The following NGEF variants were observed in gnomAD, a reference collection of about 807,000 sequenced individuals.
NGEF encodes neuronal guanine nucleotide exchange factor.
Under a neutral mutation model 80.9 loss-of-function variants are expected in NGEF, and 31 were observed. The ratio of observed to expected loss-of-function variants is 0.38; its 90% CI spans 0.29 to 0.52. The LOEUF (loss-of-function observed/expected upper bound fraction) is 0.52. Ranked by LOEUF, NGEF falls within the 20% of genes least tolerant of loss-of-function variation. The pLI, the probability that NGEF is intolerant of heterozygous loss-of-function variation, is 0.84. For synonymous variants in NGEF, 371 were observed against 370.2 expected (o/e 1.00, Z -0.03); for missense variants, 709 against 926.2 (o/e 0.77, Z 3.04).
rs368759291 is a variant in NGEF, at chr2:232,951,027, G to A, written c.383+19187C>T. On this transcript the variant is annotated intron_variant, in intron 3 of 14. Transcript: ENST00000264051. Reference sequence around the variant, plus strand: ...TCAGACCCAGCGGCGTCCGGCATGCGGCTGGCTGTTCCTGACTTGAAGCAA... The same window carrying A: ...TCAGACCCAGCGGCGTCCGGCATGCAGCTGGCTGTTCCTGACTTGAAGCAA... 1.1e-4 allele frequency among the ~76,000 whole-genome samples: 16 copies of A among 152,280 alleles called. 1 individual carries two copies. The highest frequency in any genetic ancestry group is 3.1e-4 in the African/African-American group (13 of 41,566).
intron 8 of NGEF, among the ~76,000 whole-genome samples, chr2:232,890,068 T>C (rs187884916): frequency 6.5e-4 from 98 of 150,458 alleles, no homozygotes; most frequent in African/African-American, 2.4e-3. Flanking sequence ...GCCTGTCAGG[T>C]GGAGGGGGTC....
chr2:232,930,758 C>T (rs1693200381), intron 3 of NGEF, among the ~76,000 whole-genome samples: 1 of 152,214 alleles, frequency 6.6e-6, no homozygotes, highest in South Asian at 2.1e-4. Context: ...GTTAGGATTT[C>T]AACACGTGAA....
chr2:233,007,527 C>T (rs983339155), intron 1 of NGEF, among the ~76,000 whole-genome samples: 6 of 152,240 alleles, frequency 3.9e-5, no homozygotes, highest in Middle Eastern at 3.4e-3. Context: ...GGATGCACAC[C>T]GGGGGCTTTT....
chr2:232,906,353 TCAGCCCCCCGCCCGGC>T, intron 5 of NGEF, among the ~76,000 whole-genome samples: 1 of 69,910 alleles, frequency 1.4e-5, no homozygotes, highest in South Asian at 5.2e-4. Context: ...GTGGGGGGGG[TCAGCCCCCCGCCCGGC>T]CAGCCGCCCC....
chr2:232,900,678 T>TCA (rs770831924), intron 5 of NGEF, among the ~76,000 whole-genome samples: 3 of 110,734 alleles, frequency 2.7e-5, no homozygotes, highest in South Asian at 2.7e-4. Context: ...ACACACGCTC[T>TCA]CAGTCACTCA....
intron 1 of NGEF, among the ~76,000 whole-genome samples, chr2:232,979,846 G>A (rs1245892056): frequency 6.6e-6 from 1 of 151,444 alleles, no homozygotes; most frequent in Non-Finnish European, 1.5e-5. Context: ...ACAACACTCT[G>A]TAAACATCTT....
intron 3 of NGEF, among the ~76,000 whole-genome samples, chr2:232,963,363 T>C (rs1693990813): frequency 1.3e-5 from 2 of 151,880 alleles, no homozygotes; most frequent in Non-Finnish European, 2.9e-5. Context: ...TAGACCCAAA[T>C]GTGAAAATGA....
intron 2 of NGEF, among the ~76,000 whole-genome samples, chr2:232,971,412 C>T (rs191848651): frequency 3.3e-5 from 5 of 152,298 alleles, no homozygotes; most frequent in East Asian, 3.9e-4. Context: ...AGGCTAGGCG[C>T]GGTGGCTCAC....
Position 232,879,416 on chromosome 2 carries a change from C to T in NGEF, c.*73G>A, listed in dbSNP as rs1691408754. The T allele has an allele frequency of 1.5e-6, 2 of 1,376,536 alleles. No individual in the cohort carries two copies. The highest frequency in any genetic ancestry group is 1.3e-5 in the South Asian group (1 of 75,302). The allele number at this position is 1,376,536 out of a possible 1,614,324, so 85.3% of individuals were successfully genotyped here. A position where few individuals can be genotyped will look rare whatever the true frequency, so the allele number is the denominator to read the frequency against. ...TGGGGAGGTGCTGGCCTGTGCTTCC[C>T]AGAGCCCCCCCCCCCCCACCTTCTG... On this transcript the variant is annotated 3_prime_UTR_variant, in exon 15 of 15. Coordinates refer to ENST00000264051, the MANE Select transcript of NGEF (RefSeq NM_019850.3).
chr2:232,942,085 A>G (rs1693448600), intron 3 of NGEF, among the ~76,000 whole-genome samples: 1 of 152,206 alleles, frequency 6.6e-6, no homozygotes, highest in African/African-American at 2.4e-5. Context: ...AGGTTTTCCT[A>G]ACACCACAAG....
At chr2:232,933,205 C>T (rs1390825258) in intron 3 of NGEF, among the ~76,000 whole-genome samples, 1 of 152,046 alleles carries the variant, frequency 6.6e-6, no homozygotes, top group African/African-American at 2.4e-5. Flanking sequence ...TTCTCAAAGG[C>T]CCTACCTTCC....
At chr2:232,979,357 T>TACACACACACACACAC (rs375393249) in intron 1 of NGEF, among the ~76,000 whole-genome samples, 1 of 110,350 alleles carries the variant, frequency 9.1e-6, no homozygotes, top group African/African-American at 4.5e-5. Context: ...GAGATGATTT[T>TACACACACACACACAC]ACACACACAC....
chr2:232,883,805 G>A lies in NGEF; in HGVS notation c.1601+176C>T, dbSNP rs181716468. 3.0e-3 allele frequency among the ~76,000 whole-genome samples: 461 copies of A among 152,304 alleles called. 1 individual carries two copies. The highest frequency in any genetic ancestry group is 0.011 in the African/African-American group (445 of 41,556). ...GGAAGGGAAACTGAGGCTTAGGAAC[G>A]TGAAATAACCTTGGCTAAAGGCCCA... is the stretch of plus-strand genomic sequence containing the variant. On this transcript the variant is annotated intron_variant, in intron 11 of 14. Transcript: ENST00000264051.
intron 3 of NGEF, among the ~76,000 whole-genome samples, chr2:232,949,206 G>A (rs1374049917): frequency 3.3e-5 from 5 of 152,162 alleles, no homozygotes; most frequent in South Asian, 4.1e-4. Flanking sequence ...CCATGAAGGC[G>A]GAGCTCTTGG....
In NGEF at chr2:232,927,113, G is replaced by C. The variant is rs753870377; in HGVS notation, c.457C>G (p.Leu153Val). 1 of 1,613,316 alleles carries C rather than the reference G, an allele frequency of 6.2e-7. No individual in the cohort carries two copies. The highest frequency in any genetic ancestry group is 8.5e-7 in the Non-Finnish European group (1 of 1,179,840). ...WPALADSPTT[L>V]TEALRMIHPI... Reference sequence around the variant, plus strand: ...TGGATCATCCGCAGGGCCTCGGTGAGCGTGGTGGGGCTGTCGGCCAGGGCC... The same window carrying C: ...TGGATCATCCGCAGGGCCTCGGTGACCGTGGTGGGGCTGTCGGCCAGGGCC... The change falls in exon 4 of 15, where the codon CTC becomes GTC. Residue 153 changes from leucine to valine, a missense_variant. This residue lies in a region of NGEF where 283 missense variants were observed against 303.4 expected (regional missense o/e 0.93). Coordinates refer to ENST00000264051, the MANE Select transcript of NGEF (RefSeq NM_019850.3).
chr2:232,889,844 C>A (rs898483318), intron 8 of NGEF, among the ~76,000 whole-genome samples: 9 of 152,172 alleles, frequency 5.9e-5, no homozygotes, highest in Non-Finnish European at 1.0e-4. Context: ...GGAGTAGCTG[C>A]CCCTAGGTCT....
chr2:232,879,361 G>T lies in NGEF; in HGVS notation c.*128C>A, dbSNP rs927702250. On this transcript the variant is annotated 3_prime_UTR_variant, in exon 15 of 15. Transcript: ENST00000264051. ...ACTCACTGCGTGGGCAGGGATGAGG[G>T]CCGGGCACCCCAAGCCAGATCCTGC... The T allele has an allele frequency of 2.2e-6, 2 of 921,392 alleles. No individual in the cohort carries two copies. The highest frequency in any genetic ancestry group is 3.3e-6 in the Non-Finnish European group (2 of 610,524). The allele number at this position is 921,392 out of a possible 1,614,324, so 57.1% of individuals were successfully genotyped here. A position where few individuals can be genotyped will look rare whatever the true frequency, so the allele number is the denominator to read the frequency against.
At chr2:232,935,505 C>T (rs1693310682) in intron 3 of NGEF, among the ~76,000 whole-genome samples, 1 of 152,178 alleles carries the variant, frequency 6.6e-6, no homozygotes, top group Non-Finnish European at 1.5e-5. Flanking sequence ...GTAATTCCAG[C>T]TACCAGGGAG....
At chr2:232,983,970 G>A (rs1413179215) in intron 1 of NGEF, among the ~76,000 whole-genome samples, 2 of 152,194 alleles carry the variant, frequency 1.3e-5, no homozygotes, top group Admixed American at 1.3e-4. Flanking sequence ...CCTCCAGGCT[G>A]GAATGTTCAT....
Sources: gnomAD v4.1 joint callset for allele counts (sites outside exome capture counted in the v4.1 genomes callset) on GRCh38, gnomAD v4.1.1 for gene constraint, gnomAD v4.1.1 regional missense constraint, MANE v1.5 for transcripts, NCBI Gene and HGNC (gene_info 2026-07-23, HGNC 2026-07-21) for gene names.